NPLOC4: variants seen among roughly 807,000 people sequenced by gnomAD.
NPLOC4 encodes the protein NPL4 homolog, ubiquitin recognition factor.
NPLOC4 carries 18 observed loss-of-function variants against 80.6 expected under a neutral mutation model. That is an observed-to-expected ratio of 0.22 (90% confidence interval 0.15 to 0.33). The LOEUF is 0.33. Among genes scored for constraint, NPLOC4 ranks in the 10% least tolerant of loss-of-function variants. The pLI is 1.00. For missense variants in NPLOC4, 540 were observed against 786.1 expected, an observed-to-expected ratio of 0.69 and a Z score of 3.74; for synonymous variants, 313 against 301.5, an observed-to-expected ratio of 1.04 and a Z score of -0.39.
intron 12 of NPLOC4, among the ~76,000 whole-genome samples, chr17:81,575,814 T>C (rs1334457522): frequency 6.6e-6 from 1 of 152,210 alleles, no homozygotes; most frequent in Non-Finnish European, 1.5e-5. Flanking sequence ...CAAGGGAAGA[T>C]GCAAAATTTT....
intron 3 of NPLOC4, among the ~76,000 whole-genome samples, chr17:81,621,549 C>T (rs555659810): frequency 3.3e-5 from 5 of 152,304 alleles, no homozygotes; most frequent in African/African-American, 1.2e-4. Flanking sequence ...CAGATGGTTT[C>T]GATGGGAGCC....
intron 1 of NPLOC4, among the ~76,000 whole-genome samples, chr17:81,631,465 C>CCCCA: frequency 1.0e-5 from 1 of 95,338 alleles, no homozygotes; most frequent in East Asian, 3.6e-4. Flanking sequence ...TTTTTTTTCC[C>CCCCA]CCACGGCAAG....
chr17:81,631,517 G>A (rs1188698258), intron 1 of NPLOC4, among the ~76,000 whole-genome samples: 2 of 148,302 alleles, frequency 1.3e-5, no homozygotes, highest in African/African-American at 2.5e-5. Flanking sequence ...TGGACAAAGG[G>A]CATTACTTTC....
At chr17:81,569,354 C>T (rs1039296070) in intron 13 of NPLOC4, among the ~76,000 whole-genome samples, 4 of 152,218 alleles carry the variant, frequency 2.6e-5, no homozygotes, top group Admixed American at 1.3e-4. Context: ...GCCTGTGCAC[C>T]GGCCTCGACG....
rs377467231 is a variant in NPLOC4 at position 81,635,308 on chromosome 17, C to A, written c.15+1608G>T. Among the ~76,000 whole-genome samples, 8 of 149,890 alleles carry A rather than the reference C, an allele frequency of 5.3e-5. No homozygotes were observed. In the South Asian group the frequency reaches 8.5e-4, roughly 16 times the overall value. ...AAGCAGAGATCGCACCACTGAACTCCAGCCTGGGCGACAGAGTGAGACTCC... is the reference window on the plus strand; with the variant it reads ...AAGCAGAGATCGCACCACTGAACTCAAGCCTGGGCGACAGAGTGAGACTCC... On this transcript the variant is annotated intron_variant, in intron 1 of 16. Transcript: ENST00000331134.
At chr17:81,583,826 C>G (rs2034504521) in intron 12 of NPLOC4, among the ~76,000 whole-genome samples, 1 of 152,128 alleles carries the variant, frequency 6.6e-6, no homozygotes, top group African/African-American at 2.4e-5. Flanking sequence ...TGTGTGAGTG[C>G]ATGTAAATGT....
chr17:81,617,661 G>GCCCCCCTCC (rs1555686674), intron 3 of NPLOC4, among the ~76,000 whole-genome samples: 1 of 109,532 alleles, frequency 9.1e-6, no homozygotes. Flanking sequence ...CACAAAAAAT[G>GCCCCCCTCC]CCCCCCCTCC....
chr17:81,589,299 G>GAC (rs1038457720), intron 11 of NPLOC4, among the ~76,000 whole-genome samples, 195 bp from the exon 12 acceptor site: 1 of 152,170 alleles, frequency 6.6e-6, no homozygotes, highest in Non-Finnish European at 1.5e-5. Context: ...GGGAGGCTGA[G>GAC]ACAGGCGGAT....
chr17:81,609,264 C>T lies in NPLOC4; in HGVS notation c.436-442G>A, dbSNP rs187847155. ...CAAACTCCTGACCTCATGATCCACC[C>T]GCCTTGGCCTCCCAAAGTGTTAGCT... On this transcript the variant is annotated intron_variant, in intron 5 of 16. Coordinates refer to ENST00000331134, the MANE Select transcript of NPLOC4 (RefSeq NM_017921.4). 3.8e-4 allele frequency among the ~76,000 whole-genome samples: 58 copies of T among 152,298 alleles called. 1 individual carries two copies. In the Middle Eastern group the frequency reaches 0.02, roughly 54 times the overall value.
At position 81,558,262 on chromosome 17, in the gene NPLOC4, C is replaced by CA. The variant is rs1479310429; in HGVS notation, c.*996dup. On this transcript the variant is annotated 3_prime_UTR_variant, in exon 17 of 17. Transcript: ENST00000331134. ...AGGCACAGCCCCTAACGCCCTCAGC[C>CA]AGGCGGTGCAGTGGGACGAAGCAGC... 1 of 152,334 alleles carries CA rather than the reference C, an allele frequency of 6.6e-6. No homozygotes were observed. The highest frequency in any genetic ancestry group is 1.5e-5 in the Non-Finnish European group (1 of 68,112). The allele number at this position is 152,334 out of a possible 1,614,324, so 9.4% of individuals were successfully genotyped here.
At chr17:81,603,746 T>A (rs942062394) in intron 8 of NPLOC4, among the ~76,000 whole-genome samples, 3 of 152,218 alleles carry the variant, frequency 2.0e-5, no homozygotes, top group Non-Finnish European at 2.9e-5. Flanking sequence ...TCATTTTATT[T>A]TTCTATTGGA....
chr17:81,620,533 T>C (rs2035637045), intron 3 of NPLOC4, among the ~76,000 whole-genome samples: 6 of 151,918 alleles, frequency 3.9e-5, no homozygotes. Flanking sequence ...AAACCGGTGA[T>C]TACTGTTAGG....
intron 13 of NPLOC4, among the ~76,000 whole-genome samples, chr17:81,571,755 A>G (rs1423347169): frequency 6.6e-6 from 1 of 152,218 alleles, no homozygotes; most frequent in African/African-American, 2.4e-5. Flanking sequence ...GTATGGGGAC[A>G]GTTAACCCCT....
At chr17:81,570,385 C>A (rs944965108) in intron 13 of NPLOC4, among the ~76,000 whole-genome samples, 5 of 152,226 alleles carry the variant, frequency 3.3e-5, no homozygotes, top group Admixed American at 6.5e-5. Flanking sequence ...AGGGGAGGTG[C>A]TGACCTCCTG....
chr17:81,604,611 C>T lies in NPLOC4; in HGVS notation c.771G>A (p.Thr257=), dbSNP rs11541223. Residue 257 remains threonine, a synonymous_variant, in exon 8 of 17, where the codon ACG becomes ACA. Transcript: ENST00000331134. ...TGCCAAGGGGAATGTCTTTGTGCTC[C>T]GTGTACCGTCCGTATAAGTACCCAA... The part of the protein sequence containing the change: ...QHFGYLYGRY[T]EHKDIPLGIR... 2.5e-4 allele frequency: 399 copies of T among 1,613,470 alleles called. No individual in the cohort carries two copies. Among genetic ancestry groups the T allele is most frequent in the Non-Finnish European group, 3.1e-4 (370 of 1,179,766 alleles).
rs1333649001 is a variant in NPLOC4 at position 81,569,081 on chromosome 17, A to G, written c.1384T>C (p.Tyr462His). 1 of 1,612,876 alleles carries G rather than the reference A, an allele frequency of 6.2e-7. No homozygotes were observed. The highest frequency in any genetic ancestry group is 1.1e-5 in the South Asian group (1 of 91,046). ...GGATTTTGCGAAATAGAAAAAGTGT[A>G]AACTGGATCCTTGGGGAAAGTTGTT... ...ITTTFPKDPV[Y>H]TFSISQNPFP... Residue 462 changes from tyrosine (Y) to histidine (H), a missense_variant, in exon 14 of 17, where the codon TAC becomes CAC. Physicochemically the swap from Tyr to His is moderately conservative, Grantham distance 83. Transcript: ENST00000331134.
At chr17:81,603,565 C>T (rs1051168161) in intron 8 of NPLOC4, among the ~76,000 whole-genome samples, 4 of 152,136 alleles carry the variant, frequency 2.6e-5, no homozygotes, top group African/African-American at 9.7e-5. Flanking sequence ...AACTGCACTC[C>T]AGTCTGGGCA....
At chr17:81,569,136 T>C (rs1341438389) in intron 13 of NPLOC4, 25 bp from the exon 14 acceptor site, 1 of 1,520,800 alleles carries the variant, frequency 6.6e-7, no homozygotes, top group African/African-American at 1.4e-5. Flanking sequence ...CACAAACCCA[T>C]GATAAATGAG....
At chr17:81,607,261 G>C (rs1418120198) in intron 6 of NPLOC4, among the ~76,000 whole-genome samples, 1 of 152,024 alleles carries the variant, frequency 6.6e-6, no homozygotes, top group Non-Finnish European at 1.5e-5. Flanking sequence ...ATCTGATTAG[G>C]ATATATAATT....
Sources: gnomAD v4.1 joint callset for allele counts (sites outside exome capture counted in the v4.1 genomes callset) on GRCh38, gnomAD v4.1.1 for gene constraint, MANE v1.5 for transcripts, NCBI Gene and HGNC (gene_info 2026-07-23, HGNC 2026-07-21) for gene names.